The following RNF180 variants were observed in gnomAD, a reference collection of about 807,000 sequenced individuals.
RNF180 encodes E3 ubiquitin-protein ligase RNF180.
RNF180 carries 38 observed loss-of-function variants against 59.2 expected under a neutral mutation model. The ratio of observed to expected loss-of-function variants is 0.64; its 90% CI spans 0.50 to 0.84. The LOEUF is 0.84. RNF180 is among the 40% of genes least tolerant of loss of function. RNF180 has a pLI of 0.00. For missense variants in RNF180, 705 were observed against 700.9 expected (o/e 1.01, Z -0.07); for synonymous variants, 262 against 240.3 (o/e 1.09, Z -0.84).
chr5:64,167,091 CT>C (rs1212972449), intron 1 of RNF180, among the ~76,000 whole-genome samples: 1 of 152,162 alleles, frequency 6.6e-6, no homozygotes, highest in East Asian at 1.9e-4. Context: ...ATCTGTCAGA[CT>C]TTCGTCTCTT....
At chr5:64,242,807 G>A (rs1048364765) in intron 5 of RNF180, among the ~76,000 whole-genome samples, 7 of 152,202 alleles carry the variant, frequency 4.6e-5, no homozygotes, top group African/African-American at 9.6e-5. Flanking sequence ...GAAGATGGCC[G>A]AATAGGAACA....
intron 5 of RNF180, among the ~76,000 whole-genome samples, chr5:64,220,111 T>C (rs920660244): frequency 7.2e-5 from 11 of 152,292 alleles, no homozygotes; most frequent in African/African-American, 2.6e-4. Flanking sequence ...ATGGCTTCTC[T>C]CCTTTTTTTA....
intron 5 of RNF180, among the ~76,000 whole-genome samples, chr5:64,318,531 AG>A (rs1331628166): frequency 1.3e-5 from 2 of 152,144 alleles, no homozygotes; most frequent in East Asian, 1.9e-4. Context: ...ACCACAAATA[AG>A]GGGGAACTAT....
intron 7 of RNF180, among the ~76,000 whole-genome samples, chr5:64,337,283 A>G (rs1435489865): frequency 6.6e-6 from 1 of 152,154 alleles, no homozygotes; most frequent in Non-Finnish European, 1.5e-5. Flanking sequence ...TGCTAGGATT[A>G]CAGGCATGAG....
rs1193832420 is a variant in RNF180 at position 64,369,842 on chromosome 5, A to C, written c.*28A>C. The C allele has an allele frequency of 1.6e-6, 2 of 1,214,694 alleles. No homozygotes were observed. Among genetic ancestry groups the C allele is most frequent in the Admixed American group, 6.9e-5 (2 of 28,992 alleles). 75.2% of individuals were successfully genotyped at this position (1,214,694 alleles called of 1,614,324 possible). A position where few individuals can be genotyped will look rare whatever the true frequency, so the allele number is the denominator to read the frequency against. On this transcript the variant is annotated 3_prime_UTR_variant, in exon 8 of 8. Transcript: ENST00000389100. ...ATTTCATACCTTACTACAATTGACC[A>C]ATCATAAATGATGTAAATAACAATT...
At chr5:64,302,266 G>A (rs1298827091) in intron 5 of RNF180, among the ~76,000 whole-genome samples, 1 of 151,580 alleles carries the variant, frequency 6.6e-6, no homozygotes, top group Non-Finnish European at 1.5e-5. Flanking sequence ...CTGGTCAATA[G>A]CAATTTTGAA....
chr5:64,363,699 T>C (rs1369090592), intron 7 of RNF180, among the ~76,000 whole-genome samples: 3 of 151,950 alleles, frequency 2.0e-5, no homozygotes, highest in Non-Finnish European at 4.4e-5. Context: ...TTTAATGATA[T>C]TGATTATTCC....
At chr5:64,319,463 G>A (rs1580243350) in intron 5 of RNF180, among the ~76,000 whole-genome samples, 1 of 152,132 alleles carries the variant, frequency 6.6e-6, no homozygotes, top group East Asian at 1.9e-4. Context: ...ATGAGAAAGA[G>A]AATATGATAA....
intron 6 of RNF180, among the ~76,000 whole-genome samples, chr5:64,326,462 G>A (rs545443959): frequency 6.6e-4 from 101 of 152,202 alleles, no homozygotes; most frequent in African/African-American, 2.3e-3. Flanking sequence ...ATCAGGTAAA[G>A]AAATTTTGTT....
At chr5:64,271,827 G>A (rs1741416703) in intron 5 of RNF180, among the ~76,000 whole-genome samples, 1 of 151,812 alleles carries the variant, frequency 6.6e-6, no homozygotes, top group African/African-American at 2.4e-5. Context: ...TTTATTTTTT[G>A]TTTTCTCACT....
intron 1 of RNF180, chr5:64,166,327 G>C (rs1355712858): frequency 6.6e-6 from 1 of 152,594 alleles, no homozygotes; most frequent in African/African-American, 2.4e-5. Flanking sequence ...CCCTCTCCAG[G>C]TCTGAGGTGG....
At chr5:64,319,606 A>G (rs962381567) in intron 5 of RNF180, among the ~76,000 whole-genome samples, 1 of 152,212 alleles carries the variant, frequency 6.6e-6, no homozygotes, top group Non-Finnish European at 1.5e-5. Flanking sequence ...ATGTTTTTCA[A>G]AGTCTAGAGC....
intron 1 of RNF180, among the ~76,000 whole-genome samples, chr5:64,192,903 G>GTATATATATATATATATATATATA (rs70983610): frequency 1.1e-3 from 100 of 93,852 alleles, no homozygotes; most frequent in African/African-American, 2.6e-3. Context: ...AGTGTGGCAT[G>GTATATATATATATATATATATATA]TATATATATA....
At chr5:64,240,934 T>G (rs1157033194) in intron 5 of RNF180, among the ~76,000 whole-genome samples, 1 of 152,216 alleles carries the variant, frequency 6.6e-6, no homozygotes, top group Non-Finnish European at 1.5e-5. Context: ...AATACATATT[T>G]TAATCTTTTT....
At chr5:64,277,140 A>T (rs1361458680) in intron 5 of RNF180, among the ~76,000 whole-genome samples, 1 of 151,124 alleles carries the variant, frequency 6.6e-6, no homozygotes, top group Non-Finnish European at 1.5e-5. Flanking sequence ...TTAAGGTTAA[A>T]TGAAGTTAGG....
chr5:64,169,359 C>G (rs948757350), intron 1 of RNF180, among the ~76,000 whole-genome samples: 1 of 152,222 alleles, frequency 6.6e-6, no homozygotes. Context: ...CCAGTCTCAA[C>G]ATGTCATTAA....
intron 5 of RNF180, among the ~76,000 whole-genome samples, chr5:64,218,618 A>G (rs1420728810): frequency 6.6e-6 from 1 of 152,072 alleles, no homozygotes; most frequent in African/African-American, 2.4e-5. Flanking sequence ...TCATGTTGGG[A>G]TTTTGATTGG....
intron 1 of RNF180, among the ~76,000 whole-genome samples, chr5:64,178,659 A>G (rs954345187): frequency 6.6e-6 from 1 of 152,190 alleles, no homozygotes; most frequent in African/African-American, 2.4e-5. Context: ...TTCTTGTGGT[A>G]TTAACTTGTG....
chr5:64,241,855 G>A lies in RNF180; in HGVS notation c.1227+24459G>A, dbSNP rs572435575. On this transcript the variant is annotated intron_variant, in intron 5 of 7. Coordinates refer to ENST00000389100, the MANE Select transcript of RNF180 (RefSeq NM_001113561.2). ...ATACTGTTTTCCTGGGGGAAAAAGA[G>A]GGAAGTGAGCACAAGACTTTGCCAT... Among the ~76,000 whole-genome samples the A allele has an allele frequency of 3.2e-3, 493 of 152,264 alleles. 1 individual carries two copies. The highest frequency in any genetic ancestry group is 0.012 in the African/African-American group (485 of 41,552).
Sources: allele counts gnomAD v4.1 joint callset (sites outside exome capture counted in the v4.1 genomes callset), GRCh38; gene constraint gnomAD v4.1.1; transcripts MANE v1.5; gene names NCBI Gene and HGNC (gene_info 2026-07-23, HGNC 2026-07-21).